The following CDH13 variants were observed in gnomAD, a reference collection of about 807,000 sequenced individuals.
CDH13 encodes the protein cadherin 13.
Under a neutral mutation model 63.8 loss-of-function variants are expected in CDH13, and 24 were observed. The ratio of observed to expected loss-of-function variants is 0.38; its 90% CI spans 0.27 to 0.53. The LOEUF (loss-of-function observed/expected upper bound fraction) is 0.53, where lower values mean the gene tolerates loss of function less well. CDH13 is among the 20% of genes least tolerant of loss of function. The pLI is 0.85. For missense variants in CDH13, 1,049 were observed against 903.1 expected (o/e 1.16, Z -2.07); for synonymous variants, 503 against 355.3 (o/e 1.42, Z -4.67).
intron 6 of CDH13, among the ~76,000 whole-genome samples, chr16:83,438,311 G>C (rs2072378873): frequency 6.6e-6 from 1 of 152,212 alleles, no homozygotes; most frequent in Non-Finnish European, 1.5e-5. Context: ...GGATCACAGG[G>C]TGGAAGGGAA....
chr16:83,191,407 A>G (rs888533753), intron 4 of CDH13, among the ~76,000 whole-genome samples: 4 of 143,110 alleles, frequency 2.8e-5, no homozygotes, highest in African/African-American at 1.0e-4. Context: ...ATTAGAGTTT[A>G]TTTGATGATT....
At chr16:83,194,832 G>A (rs76324456) in intron 4 of CDH13, among the ~76,000 whole-genome samples, 9,135 of 152,106 alleles carry the variant, frequency 0.06, 452 homozygotes, top group African/African-American at 0.14. Context: ...TGGCTATTAC[G>A]GTCATCATCA....
chr16:82,973,615 A>G (rs529106252), intron 2 of CDH13, among the ~76,000 whole-genome samples: 2 of 152,324 alleles, frequency 1.3e-5, no homozygotes, highest in South Asian at 4.1e-4. Flanking sequence ...GAATCCTGTT[A>G]AAGACCTGCC....
chr16:83,723,284 G>T (rs559403117), intron 10 of CDH13, among the ~76,000 whole-genome samples: 3 of 152,310 alleles, frequency 2.0e-5, no homozygotes, highest in African/African-American at 7.2e-5. Context: ...TGAGGTTTTA[G>T]TGTCTCCATT....
intron 7 of CDH13, among the ~76,000 whole-genome samples, chr16:83,489,065 CAA>C: frequency 6.6e-6 from 1 of 152,306 alleles, no homozygotes; most frequent in African/African-American, 2.4e-5. Context: ...TTAATGCTCC[CAA>C]AGCTTCTCAC....
intron 2 of CDH13, among the ~76,000 whole-genome samples, chr16:82,888,226 C>T (rs1026830675): frequency 4.6e-5 from 7 of 152,136 alleles, no homozygotes; most frequent in African/African-American, 9.7e-5. Context: ...GCAAATCAGA[C>T]GGGCGCTCCC....
chr16:83,626,467 C>A (rs1443399788), intron 8 of CDH13, among the ~76,000 whole-genome samples: 1 of 152,178 alleles, frequency 6.6e-6, no homozygotes, highest in East Asian at 1.9e-4. Context: ...GAGCCAGGGT[C>A]TTTGCTGGGG....
chr16:82,688,429 A>G (rs1341115359), intron 1 of CDH13, among the ~76,000 whole-genome samples: 1 of 152,254 alleles, frequency 6.6e-6, no homozygotes, highest in African/African-American at 2.4e-5. Context: ...ACTAAATCAA[A>G]TAATGAAGCT....
chr16:82,856,741 AAAAATAGAAAAAATACCAATAGGGAAT>A (rs1471046183), intron 1 of CDH13, among the ~76,000 whole-genome samples: 4 of 151,550 alleles, frequency 2.6e-5, no homozygotes, highest in African/African-American at 9.7e-5. Context: ...AAAAGTCAAA[AAAAATAGAAAAAATACCAATAGGGAAT>A]GAGGAAATAA....
chr16:83,794,626 C>CATATAT (rs34550866), intron 13 of CDH13, among the ~76,000 whole-genome samples: 23 of 149,110 alleles, frequency 1.5e-4, no homozygotes, highest in African/African-American at 3.5e-4. Flanking sequence ...CTTAAGTCAA[C>CATATAT]ATATATATAT....
intron 2 of CDH13, among the ~76,000 whole-genome samples, chr16:82,987,360 GT>G (rs139001215): frequency 7.2e-6 from 1 of 138,526 alleles, no homozygotes; most frequent in East Asian, 2.3e-4. Flanking sequence ...GTTTTGTTTT[GT>G]TTTGTTTGTT....
chr16:83,234,596 G>C (rs898118488), intron 5 of CDH13, among the ~76,000 whole-genome samples: 1 of 152,158 alleles, frequency 6.6e-6, no homozygotes, highest in Non-Finnish European at 1.5e-5. Context: ...CAGGTGTGGC[G>C]TGAGTGTGTT....
chr16:83,423,548 C>T (rs1299570868), intron 6 of CDH13, among the ~76,000 whole-genome samples: 1 of 151,594 alleles, frequency 6.6e-6, no homozygotes, highest in Non-Finnish European at 1.5e-5. Context: ...TTCTAAAAGT[C>T]TGAAATAAAA....
At chr16:82,779,016 G>A (rs1426011771) in intron 1 of CDH13, among the ~76,000 whole-genome samples, 2 of 152,172 alleles carry the variant, frequency 1.3e-5, no homozygotes, top group Non-Finnish European at 2.9e-5. Context: ...ATCCCGGAAA[G>A]CAAAGAAATG....
intron 7 of CDH13, among the ~76,000 whole-genome samples, chr16:83,528,035 C>T (rs1323559609): frequency 2.6e-5 from 4 of 152,276 alleles, no homozygotes; most frequent in Non-Finnish European, 4.4e-5. Flanking sequence ...AATCCAAGTT[C>T]CCACAGAGCT....
At chr16:82,837,893 G>T (rs1481294689) in intron 1 of CDH13, among the ~76,000 whole-genome samples, 1 of 152,226 alleles carries the variant, frequency 6.6e-6, no homozygotes, top group Non-Finnish European at 1.5e-5. Flanking sequence ...CCAAACCCAA[G>T]TTCCCAGATG....
chr16:82,826,357 T>C (rs1045621290), intron 1 of CDH13: 2 of 152,218 alleles, frequency 1.3e-5, no homozygotes, highest in Admixed American at 1.3e-4. Flanking sequence ...CTAATTTTTA[T>C]AATGAGTAGG....
intron 1 of CDH13, among the ~76,000 whole-genome samples, chr16:82,819,681 G>A (rs2037905077): frequency 6.6e-6 from 1 of 152,186 alleles, no homozygotes; most frequent in African/African-American, 2.4e-5. Flanking sequence ...GAGCACTCAA[G>A]GGAAGGGAGG....
chr16:82,995,646 C>A (rs1212373334), intron 2 of CDH13, among the ~76,000 whole-genome samples: 2 of 152,132 alleles, frequency 1.3e-5, no homozygotes, highest in Non-Finnish European at 2.9e-5. Context: ...CCTATTATAA[C>A]ACCATGGTGT....
Sources: allele counts gnomAD v4.1 joint callset (sites outside exome capture counted in the v4.1 genomes callset), GRCh38; gene constraint gnomAD v4.1.1; transcripts MANE v1.5; gene names NCBI Gene and HGNC (gene_info 2026-07-23, HGNC 2026-07-21).